The following LRRTM4 variants were observed in gnomAD, a reference collection of about 807,000 sequenced individuals.
The protein encoded by LRRTM4 is leucine-rich repeat transmembrane neuronal protein 4.
In LRRTM4, 25 loss-of-function variants were observed where a neutral mutation model predicts 47.6. The observed-to-expected ratio is 0.53, with a 90% CI of 0.38 to 0.73. The LOEUF is 0.73. Among genes scored for constraint, LRRTM4 ranks in the 30% least tolerant of loss-of-function variants. The pLI is 0.00. For synonymous variants in LRRTM4, 311 were observed against 269.5 expected (o/e 1.15, Z -1.51); for missense variants, 638 against 713.4 (o/e 0.89, Z 1.20).
chr2:76,807,941 C>A (rs1558668207), intron 3 of LRRTM4, among the ~76,000 whole-genome samples: 1 of 133,262 alleles, frequency 7.5e-6, no homozygotes, highest in Non-Finnish European at 1.5e-5. Flanking sequence ...TCCTTTCTTT[C>A]TTTCTTTCTT....
chr2:77,256,515 C>A (rs1381265605), intron 3 of LRRTM4, among the ~76,000 whole-genome samples: 2 of 152,034 alleles, frequency 1.3e-5, no homozygotes, highest in Non-Finnish European at 2.9e-5. Context: ...GGGGGTGCAT[C>A]TTTCCAGAGC....
At chr2:76,772,346 G>C (rs1673748753) in intron 3 of LRRTM4, among the ~76,000 whole-genome samples, 1 of 152,092 alleles carries the variant, frequency 6.6e-6, no homozygotes, top group African/African-American at 2.4e-5. Flanking sequence ...ACCCAGTCTA[G>C]GGTACTTTTT....
At chr2:77,394,308 A>G (rs1179149212) in intron 3 of LRRTM4, among the ~76,000 whole-genome samples, 1 of 152,034 alleles carries the variant, frequency 6.6e-6, no homozygotes, top group Non-Finnish European at 1.5e-5. Flanking sequence ...CATTAGTGAC[A>G]ATCAATTTTC....
At chr2:77,213,022 TG>T (rs2103927144) in intron 3 of LRRTM4, among the ~76,000 whole-genome samples, 1 of 152,296 alleles carries the variant, frequency 6.6e-6, no homozygotes, top group Non-Finnish European at 1.5e-5. Flanking sequence ...GTCAAAATTT[TG>T]TTTCAAGGTC....
At chr2:77,307,142 C>T (rs1035918158) in intron 3 of LRRTM4, among the ~76,000 whole-genome samples, 31 of 151,852 alleles carry the variant, frequency 2.0e-4, no homozygotes, top group Admixed American at 1.2e-3. Flanking sequence ...CCTCGTGATC[C>T]GCCCGCCTCG....
At chr2:77,309,830 AAAT>A (rs761278266) in intron 3 of LRRTM4, among the ~76,000 whole-genome samples, 1 of 152,196 alleles carries the variant, frequency 6.6e-6, no homozygotes, top group African/African-American at 2.4e-5. Context: ...GCAGCCATTA[AAAT>A]AATAATGTAG....
rs140656301 is a variant in LRRTM4 at position 76,834,756 on chromosome 2, A to C, written c.1552-85840T>G. ...AATGATACACATAGAAAATGTATAG[A>C]TCTCTTTGGAAAGATGATTCCTACA... On this transcript the variant is annotated intron_variant, in intron 3 of 3. Coordinates refer to ENST00000409884, the MANE Select transcript of LRRTM4 (RefSeq NM_001134745.3). 4.4e-3 allele frequency among the ~76,000 whole-genome samples: 676 copies of C among 152,208 alleles called. 9 individuals carry two copies. The highest frequency in any genetic ancestry group is 0.016 in the African/African-American group (661 of 41,544).
intron 3 of LRRTM4, among the ~76,000 whole-genome samples, chr2:76,958,380 G>A (rs1229768635): frequency 6.6e-6 from 1 of 151,734 alleles, no homozygotes; most frequent in East Asian, 1.9e-4. Flanking sequence ...AGATAACTGA[G>A]CCCCATAATC....
intron 3 of LRRTM4, among the ~76,000 whole-genome samples, chr2:76,975,118 T>C (rs1369184133): frequency 6.6e-6 from 1 of 151,732 alleles, no homozygotes; most frequent in Non-Finnish European, 1.5e-5. Context: ...TTGGTGACAC[T>C]GGTTGATTAC....
At chr2:76,822,469 G>C (rs1558676876) in intron 3 of LRRTM4, among the ~76,000 whole-genome samples, 1 of 151,218 alleles carries the variant, frequency 6.6e-6, no homozygotes, top group Admixed American at 6.6e-5. Context: ...TAATGTTAAT[G>C]AATCACAATA....
intron 3 of LRRTM4, among the ~76,000 whole-genome samples, chr2:76,899,960 G>T (rs1558723625): frequency 6.6e-6 from 1 of 152,130 alleles, no homozygotes; most frequent in Non-Finnish European, 1.5e-5. Flanking sequence ...CAGGTGCGGT[G>T]GCTCACACCT....
chr2:77,247,220 A>T (rs1466112078), intron 3 of LRRTM4, among the ~76,000 whole-genome samples: 1 of 152,106 alleles, frequency 6.6e-6, no homozygotes, highest in Admixed American at 6.6e-5. Flanking sequence ...TCTTAATAAG[A>T]TATGAATGAT....
chr2:76,856,999 T>C (rs1274065211), intron 3 of LRRTM4, among the ~76,000 whole-genome samples: 1 of 152,050 alleles, frequency 6.6e-6, no homozygotes, highest in Admixed American at 6.6e-5. Flanking sequence ...ATTTCTCTCT[T>C]AATGTTCTAG....
In LRRTM4 at chr2:77,071,561, A is replaced by G. The variant is rs535617046; in HGVS notation, c.1552-322645T>C. The stretch of plus-strand genomic sequence containing the variant: ...GGAAGACTAACAATAGCAATAAATT[A>G]TAATTATGCCTAGAATAGAAAGAAA... On this transcript the variant is annotated intron_variant, in intron 3 of 3. Transcript: ENST00000409884. Among the ~76,000 whole-genome samples, 118 of 152,338 alleles carry G rather than the reference A, an allele frequency of 7.7e-4. No individual in the cohort carries two copies. The Middle Eastern group carries it at 0.01, about 13-fold the overall frequency.
chr2:77,226,816 A>C (rs1674826815), intron 3 of LRRTM4, among the ~76,000 whole-genome samples: 1 of 151,964 alleles, frequency 6.6e-6, no homozygotes, highest in Admixed American at 6.6e-5. Context: ...TGTTTTGCAG[A>C]GGCATAGGGG....
chr2:77,379,720 T>C (rs1672980913), intron 3 of LRRTM4, among the ~76,000 whole-genome samples: 1 of 152,152 alleles, frequency 6.6e-6, no homozygotes, highest in East Asian at 1.9e-4. Context: ...TTTTGTTTTT[T>C]ATTTCGCCTT....
chr2:77,508,274 C>T (rs752778243), intron 3 of LRRTM4, among the ~76,000 whole-genome samples: 16 of 152,078 alleles, frequency 1.1e-4, no homozygotes, highest in Non-Finnish European at 1.8e-4. Flanking sequence ...GGGGATTACT[C>T]GACACAAACT....
At chr2:77,029,373 A>AGTCTG (rs1678572297) in intron 3 of LRRTM4, among the ~76,000 whole-genome samples, 1 of 152,070 alleles carries the variant, frequency 6.6e-6, no homozygotes, top group South Asian at 2.1e-4. Flanking sequence ...TGCAGCCTTC[A>AGTCTG]GTCTGTGGCT....
rs187018702 is a variant in LRRTM4 at position 77,086,994 on chromosome 2, T to C, written c.1552-338078A>G. Among the ~76,000 whole-genome samples, 402 of 150,532 alleles carry C rather than the reference T, an allele frequency of 2.7e-3. 6 individuals carry two copies. The highest frequency in any genetic ancestry group is 9.0e-3 in the South Asian group (43 of 4,788). ...TAAAACTGCAACCTTTTAAACCTTG[T>C]AGCTGAGCTCCCAGCGTAATATTGC... is the stretch of plus-strand genomic sequence containing the variant. On this transcript the variant is annotated intron_variant, in intron 3 of 3. Transcript: ENST00000409884.
Sources: allele counts gnomAD v4.1 joint callset (sites outside exome capture counted in the v4.1 genomes callset), GRCh38; gene constraint gnomAD v4.1.1; transcripts MANE v1.5; gene names NCBI Gene and HGNC (gene_info 2026-07-23, HGNC 2026-07-21).